The following DLGAP1 variants were observed in gnomAD, a reference collection of about 807,000 sequenced individuals.
DLGAP1 encodes disks large-associated protein 1.
DLGAP1 carries 11 observed loss-of-function variants against 90.8 expected under a neutral mutation model. The ratio of observed to expected loss-of-function variants is 0.12; its 90% confidence interval spans 0.08 to 0.20. The LOEUF is 0.20. Among genes scored for constraint, DLGAP1 ranks in the 10% least tolerant of loss-of-function variants. The pLI is 1.00. For synonymous variants in DLGAP1, 558 were observed against 540.7 expected (o/e 1.03, Z -0.44); for missense variants, 1,050 against 1,333.8 (o/e 0.79, Z 3.31).
At chr18:4,240,365 A>G (rs2078506910) in intron 1 of DLGAP1, among the ~76,000 whole-genome samples, 1 of 152,126 alleles carries the variant, frequency 6.6e-6, no homozygotes, top group Admixed American at 6.6e-5. Context: ...TATTTACCAA[A>G]TACACTGCTA....
intron 8 of DLGAP1, among the ~76,000 whole-genome samples, chr18:3,573,276 C>A (rs922369297): frequency 6.6e-6 from 1 of 152,068 alleles, no homozygotes; most frequent in African/African-American, 2.4e-5. Context: ...CCGAGACGGG[C>A]AGATCACCTG....
chr18:4,312,109 C>A (rs1389899077), intron 1 of DLGAP1, among the ~76,000 whole-genome samples: 1 of 152,216 alleles, frequency 6.6e-6, no homozygotes, highest in Non-Finnish European at 1.5e-5. Context: ...CCTTGGCCTT[C>A]CAAAGTGCTG....
chr18:4,041,720 G>A (rs2074977649), intron 2 of DLGAP1, among the ~76,000 whole-genome samples: 1 of 152,200 alleles, frequency 6.6e-6, no homozygotes, highest in South Asian at 2.1e-4. Context: ...TAGTTCCACT[G>A]TGGAGTTGGA....
intron 2 of DLGAP1, among the ~76,000 whole-genome samples, chr18:4,107,621 C>T (rs1336622371): frequency 2.0e-5 from 3 of 152,234 alleles, no homozygotes; most frequent in East Asian, 1.9e-4. Flanking sequence ...AACCGTTGAA[C>T]TACACATTTT....
intron 9 of DLGAP1, among the ~76,000 whole-genome samples, chr18:3,551,499 T>TA (rs2053419187): frequency 6.6e-6 from 1 of 151,274 alleles, no homozygotes; most frequent in Admixed American, 6.6e-5. Flanking sequence ...TCTGCCCTCC[T>TA]GGCTTCCCAA....
intron 7 of DLGAP1, among the ~76,000 whole-genome samples, chr18:3,609,682 A>G (rs1381000266): frequency 6.6e-6 from 1 of 151,902 alleles, no homozygotes; most frequent in Admixed American, 6.6e-5. Context: ...TGTTCCACTT[A>G]CCCTGTGACA....
At position 4,260,880 on chromosome 18, in the gene DLGAP1, T is replaced by C. The variant is rs940127481; in HGVS notation, c.-266-109593A>G. 3.3e-5 allele frequency among the ~76,000 whole-genome samples: 5 copies of C among 152,142 alleles called. 1 individual carries two copies. In the East Asian group the frequency reaches 5.8e-4, roughly 18 times the overall value. ...AAAATGGAAAAACATCCAGAAACGA[T>C]TGGAAAATCTTGGCTACAAAGTAGG... is the stretch of plus-strand genomic sequence containing the variant. On this transcript the variant is annotated intron_variant, in intron 1 of 12. Transcript: ENST00000315677.
intron 6 of DLGAP1, among the ~76,000 whole-genome samples, chr18:3,735,283 G>A (rs201455590): frequency 4.6e-5 from 7 of 152,206 alleles, no homozygotes; most frequent in African/African-American, 1.7e-4. Context: ...GCAGTGGCAC[G>A]ATCTTGGCTC....
At chr18:3,887,904 C>T (rs892206618) in intron 3 of DLGAP1, among the ~76,000 whole-genome samples, 1 of 151,462 alleles carries the variant, frequency 6.6e-6, no homozygotes, top group African/African-American at 2.4e-5. Context: ...GTCAGGTGAT[C>T]GAGACCATCC....
chr18:3,581,813 A>G, intron 8 of DLGAP1, 62 bp downstream of exon 8: 1 of 1,578,194 alleles, frequency 6.3e-7, no homozygotes. Context: ...CGGGGAAACA[A>G]AAAGTGTTAC....
At chr18:3,913,700 T>C (rs960423086) in intron 3 of DLGAP1, among the ~76,000 whole-genome samples, 2 of 152,216 alleles carry the variant, frequency 1.3e-5, no homozygotes, top group African/African-American at 4.8e-5. Context: ...ATATTGCTCC[T>C]TAAAACTAAG....
intron 7 of DLGAP1, among the ~76,000 whole-genome samples, chr18:3,676,305 T>C (rs2060297182): frequency 6.6e-6 from 1 of 152,228 alleles, no homozygotes; most frequent in African/African-American, 2.4e-5. Context: ...CTGTGAGCAT[T>C]ATGTAAATCA....
At chr18:3,862,397 T>C (rs2070123897) in intron 4 of DLGAP1, among the ~76,000 whole-genome samples, 1 of 152,224 alleles carries the variant, frequency 6.6e-6, no homozygotes, top group African/African-American at 2.4e-5. Flanking sequence ...GTTTCTTAAA[T>C]GAGGAAGAGA....
At chr18:4,002,065 C>T (rs1360994718) in intron 3 of DLGAP1, among the ~76,000 whole-genome samples, 2 of 152,140 alleles carry the variant, frequency 1.3e-5, no homozygotes, top group East Asian at 3.9e-4. Flanking sequence ...TGTTTTCCCG[C>T]TGCTTTATTG....
chr18:4,277,984 G>T (rs1312024881), intron 1 of DLGAP1, among the ~76,000 whole-genome samples: 3 of 146,684 alleles, frequency 2.0e-5, no homozygotes, highest in African/African-American at 2.6e-5. Flanking sequence ...GTGGGAAAGA[G>T]ATTGCATTTT....
intron 2 of DLGAP1, among the ~76,000 whole-genome samples, chr18:4,139,216 G>A (rs2076455484): frequency 6.6e-6 from 1 of 151,744 alleles, no homozygotes; most frequent in African/African-American, 2.4e-5. Context: ...TGCATCATTA[G>A]GTTATTTGTA....
intron 7 of DLGAP1, among the ~76,000 whole-genome samples, chr18:3,657,196 C>T (rs2059523464): frequency 6.6e-6 from 1 of 152,176 alleles, no homozygotes; most frequent in Non-Finnish European, 1.5e-5. Flanking sequence ...TTAGGCTGAA[C>T]AAAAATGTCT....
At chr18:4,014,657 T>TCC (rs140567084) in intron 2 of DLGAP1, among the ~76,000 whole-genome samples, 1 of 151,740 alleles carries the variant, frequency 6.6e-6, no homozygotes, top group Non-Finnish European at 1.5e-5. Flanking sequence ...ATATCACATA[T>TCC]CCCCCCAAAA....
intron 1 of DLGAP1, among the ~76,000 whole-genome samples, chr18:4,381,456 C>T (rs1462290472): frequency 6.6e-6 from 1 of 152,126 alleles, no homozygotes; most frequent in Non-Finnish European, 1.5e-5. Flanking sequence ...CAAAAATAAT[C>T]TTCTGTGGAA....
Sources: gnomAD v4.1 joint callset for allele counts (sites outside exome capture counted in the v4.1 genomes callset) on GRCh38, gnomAD v4.1.1 for gene constraint, MANE v1.5 for transcripts, NCBI Gene and HGNC (gene_info 2026-07-23, HGNC 2026-07-21) for gene names.